Variants in FGD6 observed in about 807,000 individuals in gnomAD.
FGD6 encodes FYVE, RhoGEF and PH domain containing 6, also known as FYVE, RhoGEF and PH domain-containing protein 6.
A neutral mutation model predicts 149.4 loss-of-function variants in FGD6; 90 were observed. The ratio of observed to expected loss-of-function variants is 0.60; its 90% confidence interval spans 0.51 to 0.72. FGD6 has a LOEUF of 0.72. FGD6 is among the 30% of genes least tolerant of loss of function. The pLI, the probability that FGD6 is intolerant of heterozygous loss-of-function variation, is 0.00. For synonymous variants in FGD6, 527 were observed against 584.0 expected (o/e 0.90, Z 1.41); for missense variants, 1,437 against 1,684.8 (o/e 0.85, Z 2.57).
chr12:95,179,438 G>A (rs780125025), intron 2 of FGD6, among the ~76,000 whole-genome samples: 5 of 151,996 alleles, frequency 3.3e-5, no homozygotes, highest in African/African-American at 4.8e-5. Flanking sequence ...CCAAGAGGTC[G>A]AGGCTGCCTT....
intron 9 of FGD6, among the ~76,000 whole-genome samples, chr12:95,110,697 G>C (rs1006409762): frequency 6.6e-6 from 1 of 152,066 alleles, no homozygotes; most frequent in Admixed American, 6.6e-5. Flanking sequence ...TTTCACAGCA[G>C]GTTCAAGAGG....
intron 20 of FGD6, among the ~76,000 whole-genome samples, chr12:95,083,012 A>AAAAAAAAAATATAT (rs68032073): frequency 5.0e-5 from 1 of 20,018 alleles, no homozygotes; most frequent in Non-Finnish European, 8.3e-5. Context: ...AAAAAAAAAA[A>AAAAAAAAAATATAT]ATATATATAT....
chr12:95,138,556 A>G lies in FGD6; in HGVS notation c.2838-878T>C, dbSNP rs1237362575. Among the ~76,000 whole-genome samples, 3 of 129,408 alleles carry G rather than the reference A, an allele frequency of 2.3e-5. No homozygotes were observed. In the Admixed American group the frequency reaches 2.4e-4, roughly 10 times the overall value. 84.9% of individuals were successfully genotyped at this position (129,408 alleles called of 152,430 possible). On this transcript the variant is annotated intron_variant, in intron 6 of 20. Transcript: ENST00000343958. ...TGAGACAATGTCTCAAAAGAAAAAG[A>G]AAAAAAAAAAAAAACTTCTTACCTG...
chr12:95,217,130 A>C, intron 1 of FGD6, 95 bp downstream of exon 1: 1 of 1,566,136 alleles, frequency 6.4e-7, no homozygotes, highest in Admixed American at 1.8e-5. Context: ...GGGGCACACA[A>C]CTCGCCCACC....
At chr12:95,216,748 A>G (rs1288916215) in intron 1 of FGD6, among the ~76,000 whole-genome samples, 3 of 151,878 alleles carry the variant, frequency 2.0e-5, no homozygotes, top group African/African-American at 7.3e-5. Flanking sequence ...CCACCAGGAC[A>G]TGACAATGTC....
intron 7 of FGD6, among the ~76,000 whole-genome samples, chr12:95,136,398 C>A (rs1879668652): frequency 6.6e-6 from 1 of 152,024 alleles, no homozygotes; most frequent in South Asian, 2.1e-4. Context: ...ACAAAAAAAA[C>A]CCTTTTCACT....
intron 2 of FGD6, among the ~76,000 whole-genome samples, chr12:95,186,710 T>C (rs1461905693): frequency 6.6e-6 from 1 of 152,168 alleles, no homozygotes. Context: ...ATATTTATCA[T>C]CTGGCCCTTT....
intron 8 of FGD6, among the ~76,000 whole-genome samples, chr12:95,130,491 A>G (rs1288479682): frequency 6.6e-6 from 1 of 152,196 alleles, no homozygotes; most frequent in African/African-American, 2.4e-5. Flanking sequence ...ACTTAACCTC[A>G]CAAAGTTGTT....
intron 17 of FGD6, 122 bp downstream of exon 17, chr12:95,091,585 A>G: frequency 3.3e-6 from 2 of 613,296 alleles, no homozygotes; most frequent in Non-Finnish European, 5.5e-6. Flanking sequence ...GCTTACTACA[A>G]ATTTGGAGAT....
At chr12:95,091,486 C>T (rs754641097) in intron 17 of FGD6, among the ~76,000 whole-genome samples, 4 of 152,236 alleles carry the variant, frequency 2.6e-5, no homozygotes, top group Admixed American at 6.5e-5. Flanking sequence ...TACATTTCTA[C>T]AGTTTTCTTA....
chr12:95,085,494 G>A (rs570318105), intron 19 of FGD6: 5 of 405,226 alleles, frequency 1.2e-5, no homozygotes, highest in South Asian at 5.2e-5. Context: ...GTGAGCCAGT[G>A]CACCTGGGGG....
At chr12:95,213,362 T>C (rs1251181479) in intron 1 of FGD6, among the ~76,000 whole-genome samples, 1 of 152,134 alleles carries the variant, frequency 6.6e-6, no homozygotes, top group Non-Finnish European at 1.5e-5. Context: ...GAGGATTGCT[T>C]GAGCTCAGGA....
intron 8 of FGD6, among the ~76,000 whole-genome samples, chr12:95,129,755 G>A (rs1315992160): frequency 2.0e-5 from 3 of 152,000 alleles, no homozygotes; most frequent in Non-Finnish European, 4.4e-5. Context: ...TCACTGCAAC[G>A]TCCACCTCCC....
chr12:95,144,097 G>C (rs1879937274), intron 5 of FGD6, among the ~76,000 whole-genome samples: 1 of 152,142 alleles, frequency 6.6e-6, no homozygotes. Flanking sequence ...TGCCAAAAAG[G>C]GAACTTGTTT....
chr12:95,148,334 G>A (rs1470729589), intron 5 of FGD6, among the ~76,000 whole-genome samples: 2 of 149,904 alleles, frequency 1.3e-5, no homozygotes, highest in African/African-American at 2.4e-5. Flanking sequence ...CAGGCCTAGG[G>A]TAGCCTTGCC....
rs568082179 is a variant in FGD6 at position 95,108,898 on chromosome 12, C to A, written c.3134-337G>T. 3.3e-5 allele frequency among the ~76,000 whole-genome samples: 5 copies of A among 152,234 alleles called. No individual in the cohort carries two copies. In the South Asian group the frequency reaches 1.0e-3, roughly 32 times the overall value. On this transcript the variant is annotated intron_variant, in intron 9 of 20. Transcript: ENST00000343958. ...GATTTGATTATCCTATTCAAGTTTA[C>A]AAAGATAAGGATGGGATTTCACCTG...
chr12:95,194,257 C>T (rs185764125), intron 2 of FGD6, among the ~76,000 whole-genome samples: 80 of 150,398 alleles, frequency 5.3e-4, no homozygotes, highest in South Asian at 4.2e-3. Context: ...TTTTTTGAGA[C>T]GGAGTTTCAC....
chr12:95,150,141 C>CAT (rs1880262684), intron 5 of FGD6, among the ~76,000 whole-genome samples: 2 of 151,578 alleles, frequency 1.3e-5, no homozygotes, highest in African/African-American at 4.8e-5. Flanking sequence ...GATTCTCCTG[C>CAT]CTCAGCCTCC....
intron 2 of FGD6, among the ~76,000 whole-genome samples, chr12:95,180,423 T>G (rs1287991253): frequency 6.8e-6 from 1 of 147,574 alleles, no homozygotes; most frequent in Non-Finnish European, 1.5e-5. Context: ...TCACCCAGGC[T>G]GGAGTGCACA....
Sources: gnomAD v4.1 joint callset for allele counts (sites outside exome capture counted in the v4.1 genomes callset) on GRCh38, gnomAD v4.1.1 for gene constraint, MANE v1.5 for transcripts, NCBI Gene and HGNC (gene_info 2026-07-23, HGNC 2026-07-21) for gene names.